Variants in HDAC8 observed in about 807,000 individuals in gnomAD.
HDAC8 encodes the protein histone deacetylase 8, also known as histone deacetylase-like 1.
A neutral mutation model predicts 32.2 loss-of-function variants in HDAC8; 1 was observed. That is an observed-to-expected ratio of 0.03 (90% CI 0.01 to 0.15). The LOEUF (loss-of-function observed/expected upper bound fraction) is 0.15. Ranked by LOEUF, HDAC8 falls within the 10% of genes least tolerant of loss-of-function variation. HDAC8 has a pLI of 1.00. For synonymous variants in HDAC8, 108 were observed against 113.9 expected, an observed-to-expected ratio of 0.95 and a Z score of 0.33; for missense variants, 117 against 300.0, an observed-to-expected ratio of 0.39 and a Z score of 4.51.
chrX:72,498,699 A>G (rs1425916539), intron 4 of HDAC8, among the ~76,000 whole-genome samples: 2 of 111,831 alleles, frequency 1.8e-5, no homozygotes, highest in Non-Finnish European at 3.8e-5. Flanking sequence ...TATATTGATG[A>G]TATATTATGT....
chrX:72,499,747 A>T (rs1388574168), intron 4 of HDAC8, among the ~76,000 whole-genome samples: 1 of 111,790 alleles, frequency 8.9e-6, no homozygotes, highest in Non-Finnish European at 1.9e-5. Context: ...AAGCAAGAAC[A>T]AATCAACCCC....
intron 9 of HDAC8, among the ~76,000 whole-genome samples, chrX:72,388,015 G>T (rs1170962618): frequency 9.1e-6 from 1 of 110,379 alleles, no homozygotes; most frequent in African/African-American, 3.3e-5. Flanking sequence ...AGGAAGAGTA[G>T]GACTTCATCC....
intron 9 of HDAC8, among the ~76,000 whole-genome samples, chrX:72,386,676 T>A (rs1457731181): frequency 2.7e-5 from 3 of 111,752 alleles, no homozygotes; most frequent in Non-Finnish European, 5.6e-5. Context: ...ACTAGCTCCA[T>A]GACAGATGAG....
At chrX:72,429,427 G>A (rs1349016336) in intron 9 of HDAC8, among the ~76,000 whole-genome samples, 1 of 111,864 alleles carries the variant, frequency 8.9e-6, no homozygotes, top group African/African-American at 3.2e-5. Flanking sequence ...AACTTGACGA[G>A]GTATTAGGCC....
intron 9 of HDAC8, among the ~76,000 whole-genome samples, chrX:72,421,094 G>T (rs781927931): frequency 1.8e-5 from 2 of 110,421 alleles, no homozygotes; most frequent in Non-Finnish European, 3.8e-5. Context: ...GAACCATTTT[G>T]GATCTCTTCT....
At chrX:72,488,262 G>C (rs1556007160) in intron 7 of HDAC8, among the ~76,000 whole-genome samples, 1 of 110,860 alleles carries the variant, frequency 9.0e-6, no homozygotes, top group South Asian at 3.9e-4. Context: ...ATGTTGACTG[G>C]CTGACTTCTA....
At chrX:72,539,764 A>G (rs1256850840) in intron 4 of HDAC8, among the ~76,000 whole-genome samples, 1 of 111,527 alleles carries the variant, frequency 9.0e-6, no homozygotes, top group Non-Finnish European at 1.9e-5. Flanking sequence ...CAGGTCAGAA[A>G]GCTGCAAATC....
At chrX:72,561,667 AATAAAG>A (rs1556120427) in intron 4 of HDAC8, among the ~76,000 whole-genome samples, 4 of 112,623 alleles carry the variant, frequency 3.6e-5, no homozygotes, top group Non-Finnish European at 7.5e-5. Context: ...ATACAACAAA[AATAAAG>A]ATAAATAGAT....
chrX:72,355,073 G>C (rs1333684805), intron 9 of HDAC8, among the ~76,000 whole-genome samples: 1 of 111,968 alleles, frequency 8.9e-6, no homozygotes, highest in Non-Finnish European at 1.9e-5. Context: ...GTCCCTCCCC[G>C]CTTGCTTAAG....
chrX:72,399,555 C>T (rs781872109), intron 9 of HDAC8, among the ~76,000 whole-genome samples: 69 of 111,939 alleles, frequency 6.2e-4, no homozygotes, highest in Admixed American at 1.0e-3. Context: ...TTGATTCAGA[C>T]TATATATTGA....
intron 9 of HDAC8, among the ~76,000 whole-genome samples, chrX:72,416,176 A>G (rs781823404): frequency 1.8e-5 from 2 of 110,499 alleles, no homozygotes; most frequent in East Asian, 5.6e-4. Context: ...TCATTTATTG[A>G]GGAGTTTTTA....
At chrX:72,349,471 G>T (rs2044117200) in intron 10 of HDAC8, among the ~76,000 whole-genome samples, 1 of 112,471 alleles carries the variant, frequency 8.9e-6, no homozygotes, top group African/African-American at 3.2e-5. Flanking sequence ...CATGCATGTA[G>T]TTGCTTTTGT....
At chrX:72,505,091 A>AT (rs1261281405) in intron 4 of HDAC8, among the ~76,000 whole-genome samples, 34 of 105,882 alleles carry the variant, frequency 3.2e-4, no homozygotes, top group African/African-American at 4.5e-4. Flanking sequence ...AAATTTTTTA[A>AT]TTTTTTTTTT....
intron 9 of HDAC8, among the ~76,000 whole-genome samples, chrX:72,457,704 C>T (rs1252331471): frequency 9.0e-6 from 1 of 111,687 alleles, no homozygotes; most frequent in Non-Finnish European, 1.9e-5. Context: ...AAAGAAGACT[C>T]AAGTAAATAG....
chrX:72,545,325 A>G (rs2050828665), intron 4 of HDAC8, among the ~76,000 whole-genome samples: 1 of 111,907 alleles, frequency 8.9e-6, no homozygotes, highest in Non-Finnish European at 1.9e-5. Flanking sequence ...TTGCCTAAGA[A>G]CTCCTGAGTA....
chrX:72,438,519 C>T (rs1363652331), intron 9 of HDAC8, among the ~76,000 whole-genome samples: 1 of 111,469 alleles, frequency 9.0e-6, no homozygotes, highest in African/African-American at 3.3e-5. Flanking sequence ...CTCCTCCAAG[C>T]TAAAGGAGCA....
chrX:72,391,135 A>G (rs1555963665), intron 9 of HDAC8, among the ~76,000 whole-genome samples: 1 of 112,023 alleles, frequency 8.9e-6, no homozygotes, highest in Non-Finnish European at 1.9e-5. Context: ...ATCAACTCCT[A>G]TGTCATCAAC....
chrX:72,393,693 G>A (rs1472768569), intron 9 of HDAC8, among the ~76,000 whole-genome samples: 4 of 110,961 alleles, frequency 3.6e-5, no homozygotes, highest in Non-Finnish European at 7.5e-5. Flanking sequence ...GATGGGGAGG[G>A]AAGGAATGTA....
chrX:72,429,023 CT>C (rs1156351998), intron 9 of HDAC8, among the ~76,000 whole-genome samples: 5 of 80,656 alleles, frequency 6.2e-5, no homozygotes, highest in South Asian at 6.2e-4. Context: ...TTCTTTCTTT[CT>C]TTTTTTTTTT....
Sources: gnomAD v4.1 joint callset for allele counts (sites outside exome capture counted in the v4.1 genomes callset) on GRCh38, gnomAD v4.1.1 for gene constraint, MANE v1.5 for transcripts, NCBI Gene and HGNC (gene_info 2026-07-23, HGNC 2026-07-21) for gene names.